Variants in RAPH1 observed in about 807,000 individuals in gnomAD.
RAPH1 encodes the protein ras-associated and pleckstrin homology domains-containing protein 1.
In RAPH1, 18 loss-of-function variants were observed where a neutral mutation model predicts 88.1. That is an observed-to-expected ratio of 0.20 (90% CI 0.14 to 0.30). The LOEUF (loss-of-function observed/expected upper bound fraction) is 0.30. Ranked by LOEUF, RAPH1 falls within the 10% of genes least tolerant of loss-of-function variation. The probability of loss-of-function intolerance (pLI) is 1.00; values close to 1 mark genes in which losing one functional copy is unlikely to be tolerated. For synonymous variants in RAPH1, 587 were observed against 559.0 expected (o/e 1.05, Z -0.71); for missense variants, 1,448 against 1,543.2 (o/e 0.94, Z 1.03).
intron 1 of RAPH1, among the ~76,000 whole-genome samples, chr2:203,501,835 GCAAAAAAA>G (rs1688751992): frequency 4.4e-5 from 6 of 136,662 alleles, no homozygotes; most frequent in Non-Finnish European, 7.9e-5. Context: ...AAAAAAAAAG[GCAAAAAAA>G]CAAATACAAA....
intron 1 of RAPH1, among the ~76,000 whole-genome samples, chr2:203,512,866 C>T (rs1002456094): frequency 1.3e-5 from 2 of 151,990 alleles, no homozygotes; most frequent in African/African-American, 4.8e-5. Flanking sequence ...CCTGGTGATC[C>T]GCCCACCTTG....
chr2:203,475,608 G>A (rs1028457946), intron 4 of RAPH1, among the ~76,000 whole-genome samples: 3 of 151,908 alleles, frequency 2.0e-5, no homozygotes, highest in African/African-American at 7.3e-5. Context: ...AACTGTCTCA[G>A]CACATTATCC....
At chr2:203,477,061 G>C in intron 4 of RAPH1, 1 of 1,593,154 alleles carries the variant, frequency 6.3e-7, no homozygotes, top group Non-Finnish European at 8.6e-7. Flanking sequence ...GCCATGGCAT[G>C]TTTATAGAAC....
chr2:203,460,066 C>A, intron 6 of RAPH1, 38 bp from the exon 7 acceptor site: 1 of 1,562,734 alleles, frequency 6.4e-7, no homozygotes, highest in African/African-American at 1.4e-5. Flanking sequence ...TGTTAGTATT[C>A]ATTAGAGTTG....
rs1688882985 is a variant in RAPH1 at position 203,504,377 on chromosome 2, G to A, written c.1-9024C>T. Among the ~76,000 whole-genome samples the A allele has an allele frequency of 5.9e-5, 9 of 152,328 alleles. No homozygotes were observed. In the South Asian group the frequency reaches 1.9e-3, roughly 32 times the overall value. On this transcript the variant is annotated intron_variant, in intron 1 of 13. Transcript: ENST00000319170. ...TCAACACCACATGGAAGCTGCCAAG[G>A]CTTGGGGCTTCCACCCTCTGAAGCC... is the stretch of plus-strand genomic sequence containing the variant.
intron 1 of RAPH1, among the ~76,000 whole-genome samples, chr2:203,505,208 A>T (rs1688928483): frequency 6.6e-6 from 1 of 152,172 alleles, no homozygotes; most frequent in African/African-American, 2.4e-5. Context: ...GCTGCTGATG[A>T]AGACAAACCT....
At chr2:203,511,329 G>T (rs2105924774) in intron 1 of RAPH1, among the ~76,000 whole-genome samples, 1 of 148,574 alleles carries the variant, frequency 6.7e-6, no homozygotes, top group East Asian at 2.0e-4. Context: ...TTAATCAAAA[G>T]AAACCAACAC....
rs745707272 is a variant in RAPH1 at position 203,491,273 on chromosome 2, AGAG to A, written c.164_166del (p.Pro55del). 15 of 1,613,628 alleles carry A rather than the reference AGAG, an allele frequency of 9.3e-6. No individual in the cohort carries two copies. Among genetic ancestry groups the A allele is most frequent in the African/African-American group, 2.7e-5 (2 of 74,900 alleles). On this transcript the variant is annotated inframe_deletion, in exon 3 of 14. Coordinates refer to ENST00000319170, the MANE Select transcript of RAPH1 (RefSeq NM_213589.3). ...GTTGGCCATGTTTGTTTCCTGGCGAAGAGGAGATCTTTTTACTGGTTCCATGGG... is the reference window on the plus strand; with the variant it reads ...GTTGGCCATGTTTGTTTCCTGGCGAAGAGATCTTTTTACTGGTTCCATGGG...
intron 1 of RAPH1, among the ~76,000 whole-genome samples, chr2:203,510,693 C>T (rs1317602748): frequency 6.6e-6 from 1 of 151,952 alleles, no homozygotes; most frequent in Non-Finnish European, 1.5e-5. Context: ...TGTGACAGCA[C>T]ACCTCAGCTA....
intron 1 of RAPH1, among the ~76,000 whole-genome samples, chr2:203,527,020 G>C (rs182725698): frequency 6.6e-6 from 1 of 151,990 alleles, no homozygotes. Context: ...CTGACCTCAG[G>C]TGATCCGCCC....
chr2:203,472,116 TTTC>T (rs1443021097), intron 4 of RAPH1, among the ~76,000 whole-genome samples: 4 of 151,586 alleles, frequency 2.6e-5, no homozygotes. Flanking sequence ...CATTCTTTGG[TTTC>T]TTTAGTTCTT....
chr2:203,456,021 A>G (rs1044663189), intron 8 of RAPH1, among the ~76,000 whole-genome samples: 4 of 50,052 alleles, frequency 8.0e-5, no homozygotes, highest in African/African-American at 1.6e-4. Context: ...AACAAAAACA[A>G]AAACAAAAAC....
Position 203,440,399 on chromosome 2 carries a change from G to C in RAPH1, c.2791C>G (p.Pro931Ala). Reference sequence around the variant, plus strand: ...GGTGGGGCTGGGACAGGTGATGGGGGTGGAGGAGGAAACACCAGGCTGCTT... The same window carrying C: ...GGTGGGGCTGGGACAGGTGATGGGGCTGGAGGAGGAAACACCAGGCTGCTT... ...PESSLVFPPP[P>A]PSPVPAPPPP... The change falls in exon 14 of 14, where the codon CCC (proline) becomes GCC (alanine). Residue 931 changes from proline to alanine, a missense_variant. Coordinates refer to ENST00000319170, the MANE Select transcript of RAPH1 (RefSeq NM_213589.3). 6.4e-7 allele frequency: 1 copy of C among 1,568,940 alleles called. No individual in the cohort carries two copies. Among genetic ancestry groups the C allele is most frequent in the Non-Finnish European group, 8.6e-7 (1 of 1,157,118 alleles).
At chr2:203,441,713 C>T (rs1313606820) in intron 13 of RAPH1, 13 of 1,301,500 alleles carry the variant, frequency 1.0e-5, no homozygotes, top group Non-Finnish European at 1.3e-5. Flanking sequence ...GGATGCATGA[C>T]TTCTGACCTT....
intron 4 of RAPH1, among the ~76,000 whole-genome samples, chr2:203,485,927 A>AT (rs1687946657): frequency 6.6e-6 from 1 of 152,130 alleles, no homozygotes; most frequent in Non-Finnish European, 1.5e-5. Context: ...GAAGGATTTG[A>AT]TGAAAGTTCA....
intron 4 of RAPH1, chr2:203,477,110 A>G (rs2105765839): frequency 6.8e-6 from 11 of 1,614,068 alleles, no homozygotes; most frequent in South Asian, 3.3e-5. Flanking sequence ...TGTGAAGTCA[A>G]TATGACGCTT....
chr2:203,517,533 T>C (rs1689672348), intron 1 of RAPH1, among the ~76,000 whole-genome samples: 1 of 152,150 alleles, frequency 6.6e-6, no homozygotes, highest in East Asian at 1.9e-4. Context: ...CTGACATCTA[T>C]GCGCTAATTC....
chr2:203,477,120 T>C, intron 4 of RAPH1: 1 of 1,614,054 alleles, frequency 6.2e-7, no homozygotes, highest in Non-Finnish European at 8.5e-7. Flanking sequence ...ATATGACGCT[T>C]GGCCTGCTTG....
At chr2:203,526,862 C>T (rs984616700) in intron 1 of RAPH1, among the ~76,000 whole-genome samples, 1 of 151,592 alleles carries the variant, frequency 6.6e-6, no homozygotes, top group Non-Finnish European at 1.5e-5. Context: ...TCAGCTCCTG[C>T]AACCTCTCCC....
Sources: gnomAD v4.1 joint callset for allele counts (sites outside exome capture counted in the v4.1 genomes callset) on GRCh38, gnomAD v4.1.1 for gene constraint, MANE v1.5 for transcripts, NCBI Gene and HGNC (gene_info 2026-07-23, HGNC 2026-07-21) for gene names.